The following IARS2 variants were observed in gnomAD, a reference collection of about 807,000 sequenced individuals.
The protein encoded by IARS2 is isoleucyl-tRNA synthetase 2, mitochondrial, also known as isoleucine--tRNA ligase, mitochondrial.
In IARS2, 56 loss-of-function variants were observed where a neutral mutation model predicts 126.3. The ratio of observed to expected loss-of-function variants is 0.44; its 90% CI spans 0.36 to 0.55. The LOEUF (loss-of-function observed/expected upper bound fraction) is 0.55, where lower values mean the gene tolerates loss of function less well. Ranked by LOEUF, IARS2 falls within the 20% of genes least tolerant of loss-of-function variation. The probability of loss-of-function intolerance (pLI) is 0.00; values close to 1 mark genes in which losing one functional copy is unlikely to be tolerated. For missense variants in IARS2, 1,127 were observed against 1,245.9 expected (o/e 0.90, Z 1.44); for synonymous variants, 407 against 441.1 (o/e 0.92, Z 0.97).
In IARS2 at chr1:220,125,709, G is replaced by C. The variant is rs560198229; in HGVS notation, c.1743+370G>C. Among the ~76,000 whole-genome samples, 11 of 152,124 alleles carry C rather than the reference G, an allele frequency of 7.2e-5. No individual in the cohort carries two copies. The South Asian group carries it at 8.3e-4, about 12-fold the overall frequency. ...AGTCCCAGCTACTTGGGAGGTTGAGGGGGGAGGATGGCTTGAGCCTGGAAG... is the reference window on the plus strand; with the variant it reads ...AGTCCCAGCTACTTGGGAGGTTGAGCGGGGAGGATGGCTTGAGCCTGGAAG... On this transcript the variant is annotated intron_variant, in intron 13 of 22. Transcript: ENST00000366922.
At chr1:220,097,802 G>A (rs997608078) in intron 2 of IARS2, among the ~76,000 whole-genome samples, 2 of 152,220 alleles carry the variant, frequency 1.3e-5, no homozygotes, top group African/African-American at 2.4e-5. Flanking sequence ...CACTCTTGGA[G>A]CTGCAGCAGA....
chr1:220,146,279 G>T (rs1419735206), intron 22 of IARS2, among the ~76,000 whole-genome samples: 1 of 152,096 alleles, frequency 6.6e-6, no homozygotes, highest in Non-Finnish European at 1.5e-5. Flanking sequence ...CATTTTGGGA[G>T]GCCGAGGCGG....
intron 22 of IARS2, among the ~76,000 whole-genome samples, chr1:220,146,538 A>AAAAAAAAAAG (rs1392751224): frequency 7.1e-6 from 1 of 141,252 alleles, no homozygotes; most frequent in African/African-American, 2.5e-5. Flanking sequence ...AAAAAAAAAA[A>AAAAAAAAAAG]AGCAGGTATC....
chr1:220,147,909 T>C lies in IARS2; in HGVS notation c.*274T>C, dbSNP rs560291079. The C allele has an allele frequency of 3.1e-5, 13 of 422,902 alleles. No individual in the cohort carries two copies. In the East Asian group the frequency reaches 3.6e-4, roughly 12 times the overall value. 26.2% of individuals were successfully genotyped at this position (422,902 alleles called of 1,614,324 possible). On this transcript the variant is annotated 3_prime_UTR_variant, in exon 23 of 23. Coordinates refer to ENST00000366922, the MANE Select transcript of IARS2 (RefSeq NM_018060.4). ...CCTATATATATCCATAGTGGACTTATTCAGAACATAGATATGTATTCAGCT... is the reference window on the plus strand; with the variant it reads ...CCTATATATATCCATAGTGGACTTACTCAGAACATAGATATGTATTCAGCT...
At chr1:220,141,703 G>A (rs1657495448) in intron 19 of IARS2, 100 bp from the exon 20 acceptor site, 2 of 1,138,604 alleles carry the variant, frequency 1.8e-6, no homozygotes, top group African/African-American at 3.1e-5. Flanking sequence ...AGAGCCATAG[G>A]ATTAGCCACT....
At chr1:220,146,754 C>T (rs1309033797) in intron 22 of IARS2, among the ~76,000 whole-genome samples, 1 of 152,102 alleles carries the variant, frequency 6.6e-6, no homozygotes, top group East Asian at 1.9e-4. Flanking sequence ...TTACCGCAAC[C>T]TCCGCCTCCC....
At chr1:220,125,963 TG>T (rs1276599655) in intron 13 of IARS2, among the ~76,000 whole-genome samples, 1 of 151,478 alleles carries the variant, frequency 6.6e-6, no homozygotes, top group African/African-American at 2.4e-5. Context: ...AAAAATTAGC[TG>T]GGTGCGATGG....
chr1:220,098,074 A>G (rs918538640), intron 2 of IARS2, among the ~76,000 whole-genome samples: 4 of 151,902 alleles, frequency 2.6e-5, no homozygotes, highest in Admixed American at 1.3e-4. Context: ...TTTTTAGTAG[A>G]GACGTGGTTT....
intron 14 of IARS2, among the ~76,000 whole-genome samples, chr1:220,127,835 A>C (rs1657184672): frequency 6.6e-6 from 1 of 152,374 alleles, no homozygotes; most frequent in Admixed American, 6.5e-5. Context: ...TGTGCGTAAT[A>C]ATAATGGCCA....
chr1:220,140,409 C>T (rs1657462494), intron 19 of IARS2, 120 bp downstream of exon 19: 1 of 619,364 alleles, frequency 1.6e-6, no homozygotes, highest in Admixed American at 3.0e-5. Context: ...AGTTCGAGAC[C>T]AGTATGGCAA....
chr1:220,094,299 C>G lies in IARS2; in HGVS notation c.83C>G (p.Pro28Arg). The change falls in exon 1 of 23, where the codon CCC becomes CGC. Residue 28 changes from proline to arginine, a missense_variant. Coordinates refer to ENST00000366922, the MANE Select transcript of IARS2 (RefSeq NM_018060.4). ...ARSLWGTPRLPCSPGWQGATK... is the reference protein window; with the variant it reads ...ARSLWGTPRLRCSPGWQGATK... The stretch of plus-strand genomic sequence containing the variant: ...AGTTTGTGGGGGACGCCCCGCCTTC[C>G]CTGCAGCCCGGGATGGCAAGGGGCG... 6.2e-7 allele frequency: 1 copy of G among 1,612,050 alleles called. No individual in the cohort carries two copies. Among genetic ancestry groups the G allele is most frequent in the Non-Finnish European group, 8.5e-7 (1 of 1,179,258 alleles).
At chr1:220,103,332 G>A in intron 7 of IARS2, 115 bp from the exon 8 acceptor site, 1 of 639,006 alleles carries the variant, frequency 1.6e-6, no homozygotes, top group Non-Finnish European at 2.7e-6. Context: ...ATAGACATGA[G>A]CCACCGCGCT....
At chr1:220,140,833 A>T (rs944049299) in intron 19 of IARS2, among the ~76,000 whole-genome samples, 1 of 151,866 alleles carries the variant, frequency 6.6e-6, no homozygotes, top group African/African-American at 2.4e-5. Flanking sequence ...AAATACAAAA[A>T]ATTAGCTGGG....
Position 220,142,954 on chromosome 1 carries a change from T to C in IARS2, c.2571T>C (p.Ser857=), listed in dbSNP as rs1396112470. ...QHIPYIKEPK[S]VFRTGWISTS... ...TTTGTTCTTCTGAAGAGCCCAAGAG[T>C]GTTTTCCGTACTGGGTGGATTAGTA... Residue 857 remains serine, a synonymous_variant, in exon 21 of 23, where the codon AGT becomes AGC. Transcript: ENST00000366922. 11 of 1,608,214 alleles carry C rather than the reference T, an allele frequency of 6.8e-6. No individual in the cohort carries two copies. The Admixed American group carries it at 1.8e-4, about 27-fold the overall frequency.
chr1:220,114,560 C>A, intron 12 of IARS2, 86 bp downstream of exon 12: 1 of 997,034 alleles, frequency 1.0e-6, no homozygotes, highest in Non-Finnish European at 1.5e-6. Flanking sequence ...TGATTAAGAA[C>A]CGTTTATATA....
At chr1:220,137,752 TAC>T in intron 16 of IARS2, 164 bp from the exon 17 acceptor site, 1 of 678,764 alleles carries the variant, frequency 1.5e-6, no homozygotes, top group Non-Finnish European at 2.4e-6. Flanking sequence ...TGTTTTTAGA[TAC>T]AGTCTAATTT....
intron 10 of IARS2, among the ~76,000 whole-genome samples, chr1:220,107,899 T>G (rs1184854345): frequency 1.3e-5 from 2 of 152,140 alleles, no homozygotes; most frequent in Non-Finnish European, 2.9e-5. Context: ...TGGCCTTCTT[T>G]AGATCTTACT....
chr1:220,100,250 T>C (rs1223175336), intron 2 of IARS2, among the ~76,000 whole-genome samples: 2 of 152,242 alleles, frequency 1.3e-5, no homozygotes, highest in Non-Finnish European at 2.9e-5. Context: ...TTGATGATAT[T>C]TCTTAGCTCA....
At chr1:220,101,275 A>G (rs903986563) in intron 3 of IARS2, among the ~76,000 whole-genome samples, 1 of 152,250 alleles carries the variant, frequency 6.6e-6, no homozygotes, top group African/African-American at 2.4e-5. Context: ...ATATGAGGTC[A>G]TTGTATAAAG....
Sources: gnomAD v4.1 joint callset for allele counts (sites outside exome capture counted in the v4.1 genomes callset) on GRCh38, gnomAD v4.1.1 for gene constraint, MANE v1.5 for transcripts, NCBI Gene and HGNC (gene_info 2026-07-23, HGNC 2026-07-21) for gene names.